Variants in SLC43A3 observed in about 807,000 individuals in gnomAD.
SLC43A3 encodes equilibrative nucleobase transporter 1.
In SLC43A3, 33 loss-of-function variants were observed where a neutral mutation model predicts 53.3. The observed-to-expected ratio is 0.62, with a 90% CI of 0.47 to 0.83. The LOEUF (loss-of-function observed/expected upper bound fraction) is 0.83. Among genes scored for constraint, SLC43A3 ranks in the 40% least tolerant of loss-of-function variants. SLC43A3 has a pLI of 0.00. For missense variants in SLC43A3, 530 were observed against 610.0 expected, an observed-to-expected ratio of 0.87 and a Z score of 1.38; for synonymous variants, 236 against 246.2, an observed-to-expected ratio of 0.96 and a Z score of 0.39.
At chr11:57,408,923 C>T (rs1942325709) in intron 13 of SLC43A3, among the ~76,000 whole-genome samples, 1 of 152,238 alleles carries the variant, frequency 6.6e-6, no homozygotes, top group African/African-American at 2.4e-5. Context: ...GGTGGGCCTG[C>T]ACTCACCACA....
At position 57,420,977 on chromosome 11, in the gene SLC43A3, T is replaced by C. The variant is rs1441810527; in HGVS notation, c.526A>G (p.Ile176Val). ...TAGGCTGTTGCTATATTTACCTTAA[T>C]AATAAGGAAGACTGCCGAGGAAGAG... ...FDSSSAVFLI[I>V]KLLYEKGISL... Residue 176 changes from isoleucine to valine, a missense_variant, in exon 7 of 14, where the codon ATT (isoleucine) becomes GTT (valine). Ile to Val is a conservative substitution (Grantham distance 29, BLOSUM62 3). Transcript: ENST00000395124. 1 of 1,605,316 alleles carries C rather than the reference T, an allele frequency of 6.2e-7. No homozygotes were observed. The highest frequency in any genetic ancestry group is 1.3e-5 in the African/African-American group (1 of 74,740).
chr11:57,415,343 G>C (rs908154920), intron 9 of SLC43A3: 1 of 1,498,608 alleles, frequency 6.7e-7, no homozygotes, highest in Non-Finnish European at 8.9e-7. Flanking sequence ...ATTGAAATCC[G>C]ATCTGTCTCT....
intron 8 of SLC43A3, among the ~76,000 whole-genome samples, chr11:57,417,489 T>A (rs545020384): frequency 2.0e-5 from 3 of 152,202 alleles, no homozygotes; most frequent in Admixed American, 2.0e-4. Context: ...AATGATCAGA[T>A]GTATGAATGA....
At chr11:57,411,459 A>T (rs1320620801) in intron 11 of SLC43A3, among the ~76,000 whole-genome samples, 2 of 115,690 alleles carry the variant, frequency 1.7e-5, no homozygotes, top group Admixed American at 1.2e-4. Flanking sequence ...GGCAACAAAG[A>T]CCCTTCCTCT....
chr11:57,421,416 C>A, intron 5 of SLC43A3, 43 bp from the exon 6 acceptor site: 1 of 1,476,842 alleles, frequency 6.8e-7, no homozygotes. Flanking sequence ...CATAGTGCAA[C>A]CCAAACATGG....
At chr11:57,420,364 T>C (rs774333489) in intron 7 of SLC43A3, among the ~76,000 whole-genome samples, 2 of 152,220 alleles carry the variant, frequency 1.3e-5, no homozygotes, top group Non-Finnish European at 2.9e-5. Flanking sequence ...CACCTATCAC[T>C]AGCAACGGGT....
intron 4 of SLC43A3, 138 bp downstream of exon 4, chr11:57,425,403 A>G (rs997259239): frequency 9.2e-5 from 77 of 833,176 alleles, no homozygotes; most frequent in Non-Finnish European, 1.3e-4. Flanking sequence ...TGTTCCTAAC[A>G]GCTGCTGGGA....
chr11:57,414,081 G>A (rs749656650), intron 11 of SLC43A3, among the ~76,000 whole-genome samples: 1 of 152,164 alleles, frequency 6.6e-6, no homozygotes, highest in Non-Finnish European at 1.5e-5. Context: ...TCTAGACTGA[G>A]AACACCTTGA....
chr11:57,416,837 C>G (rs1468084248), intron 8 of SLC43A3, among the ~76,000 whole-genome samples, 167 bp from the exon 9 acceptor site: 1 of 152,190 alleles, frequency 6.6e-6, no homozygotes, highest in Non-Finnish European at 1.5e-5. Flanking sequence ...ATCAGAATGT[C>G]TGGAGGTGAG....
Position 57,416,654 on chromosome 11 carries a change from C to T in SLC43A3, c.688G>A (p.Gly230Ser). The change falls in exon 9 of 14, where the codon GGC becomes AGC. Residue 230 changes from glycine to serine, a missense_variant. By Grantham distance (56) the Gly-to-Ser change is moderately conservative (BLOSUM62 0). This residue lies in a region of SLC43A3 where 376 missense variants were observed against 386.7 expected (regional missense o/e 0.97). Transcript: ENST00000395124. ...NYSYGLCPGN[G>S]TTKEEKETAE... ...GTTTCCTTCTCTTCCTTTGTGGTGC[C>T]ATTCCCAGGGCACAGGCTATGGAAA... The T allele has an allele frequency of 6.2e-7, 1 of 1,614,020 alleles. No individual in the cohort carries two copies.
rs1942260291 is a variant in SLC43A3 at position 57,407,472 on chromosome 11, A to C, written c.*320T>G. ...CTTCGGAGCCAAACAGGCCTAAAGA[A>C]ATAGTTGACACACTTCCTCCCCCAG... On this transcript the variant is annotated 3_prime_UTR_variant, in exon 14 of 14. Transcript: ENST00000395124. 7.8e-6 allele frequency: 2 copies of C among 256,070 alleles called. No individual in the cohort carries two copies. Among genetic ancestry groups the C allele is most frequent in the African/African-American group, 4.4e-5 (2 of 45,044 alleles). The allele number at this position is 256,070 out of a possible 1,614,324, so 15.9% of individuals were successfully genotyped here. A position where few individuals can be genotyped will look rare whatever the true frequency, so the allele number is the denominator to read the frequency against.
At chr11:57,410,167 A>C in intron 11 of SLC43A3, 46 bp from the exon 12 acceptor site, 2 of 1,465,814 alleles carry the variant, frequency 1.4e-6, no homozygotes, top group Non-Finnish European at 1.8e-6. Flanking sequence ...GGCCAACCCA[A>C]CAGAAGTCAG....
intron 11 of SLC43A3, among the ~76,000 whole-genome samples, chr11:57,413,877 C>T (rs543464547): frequency 5.9e-5 from 9 of 152,298 alleles, no homozygotes; most frequent in African/African-American, 1.9e-4. Flanking sequence ...TCCAAGGCCC[C>T]GCCTCTTCAT....
At chr11:57,415,234 C>G (rs1195747792) in intron 9 of SLC43A3, 128 bp from the exon 10 acceptor site, 1 of 1,540,856 alleles carries the variant, frequency 6.5e-7, no homozygotes, top group African/African-American at 1.4e-5. Context: ...CCAGAACTCA[C>G]CCGGCGTGCT....
At chr11:57,425,861 G>T in intron 3 of SLC43A3, 128 bp downstream of exon 3, 1 of 1,335,326 alleles carries the variant, frequency 7.5e-7, no homozygotes, top group Non-Finnish European at 1.0e-6. Context: ...GATCAAGTGG[G>T]GTGAGAGCTG....
At chr11:57,418,003 T>C in intron 7 of SLC43A3, 116 bp from the exon 8 acceptor site, 1 of 882,526 alleles carries the variant, frequency 1.1e-6, no homozygotes, top group Non-Finnish European at 1.7e-6. Context: ...CAGCTAAACA[T>C]AATGTGATCT....
At position 57,421,429 on chromosome 11, in the gene SLC43A3, C is replaced by T. The variant is rs1168506437; in HGVS notation, c.362-56G>A. ...GTCATAGTGCAACCCAAACATGGAGCCCCAAACTCTGCTCCCACCTGCTCC... is the reference window on the plus strand; with the variant it reads ...GTCATAGTGCAACCCAAACATGGAGTCCCAAACTCTGCTCCCACCTGCTCC... On this transcript the variant is annotated intron_variant, in intron 5 of 13. Transcript: ENST00000395124. 6 of 1,324,418 alleles carry T rather than the reference C, an allele frequency of 4.5e-6. No individual in the cohort carries two copies. In the African/African-American group the frequency reaches 8.7e-5, roughly 19 times the overall value. 82.0% of individuals were successfully genotyped at this position (1,324,418 alleles called of 1,614,324 possible).
intron 7 of SLC43A3, among the ~76,000 whole-genome samples, chr11:57,419,902 T>C (rs1399572276): frequency 6.7e-6 from 1 of 150,308 alleles, no homozygotes; most frequent in Non-Finnish European, 1.5e-5. Flanking sequence ...ATGCCAGGAG[T>C]AGAAAGGCTT....
chr11:57,421,138 G>C (rs1942967485), intron 6 of SLC43A3, 74 bp from the exon 7 acceptor site: 2 of 1,309,548 alleles, frequency 1.5e-6, no homozygotes, highest in Non-Finnish European at 2.2e-6. Flanking sequence ...CCAGCATGTG[G>C]CAGACCCTCC....
Sources: allele counts gnomAD v4.1 joint callset (sites outside exome capture counted in the v4.1 genomes callset), GRCh38; gene constraint gnomAD v4.1.1; regional missense constraint gnomAD v4.1.1; transcripts MANE v1.5; gene names NCBI Gene and HGNC (gene_info 2026-07-23, HGNC 2026-07-21).